The following EPB41L4A variants were observed in gnomAD, a reference collection of about 807,000 sequenced individuals.
EPB41L4A encodes the protein erythrocyte membrane protein band 4.1 like 4A, also known as band 4.1-like protein 4A.
Under a neutral mutation model 108.6 loss-of-function variants are expected in EPB41L4A, and 100 were observed. The observed-to-expected ratio is 0.92, with a 90% confidence interval of 0.78 to 1.09. EPB41L4A has a LOEUF of 1.09. Ranked by LOEUF, EPB41L4A falls within the 50% of genes least tolerant of loss-of-function variation. The pLI is 0.00. For missense variants in EPB41L4A, 1,030 were observed against 842.7 expected (o/e 1.22, Z -2.75); for synonymous variants, 319 against 289.0 (o/e 1.10, Z -1.05).
At chr5:112,242,731 T>C (rs1005612732) in intron 9 of EPB41L4A, among the ~76,000 whole-genome samples, 1 of 152,198 alleles carries the variant, frequency 6.6e-6, no homozygotes, top group African/African-American at 2.4e-5. Context: ...TACTTGAAAG[T>C]TGAAGTTACC....
chr5:112,217,049 A>G (rs868734580), intron 12 of EPB41L4A, among the ~76,000 whole-genome samples: 4 of 151,714 alleles, frequency 2.6e-5, no homozygotes, highest in South Asian at 2.1e-4. Flanking sequence ...GGTTCAAGCG[A>G]TTCTACCATC....
At chr5:112,381,492 G>A (rs530289794) in intron 1 of EPB41L4A, among the ~76,000 whole-genome samples, 2 of 152,338 alleles carry the variant, frequency 1.3e-5, no homozygotes, top group East Asian at 3.9e-4. Flanking sequence ...TCCATCCAGT[G>A]TGCAATTCTA....
intron 2 of EPB41L4A, among the ~76,000 whole-genome samples, chr5:112,300,806 T>C (rs1294349965): frequency 6.6e-6 from 1 of 152,202 alleles, no homozygotes; most frequent in Non-Finnish European, 1.5e-5. Flanking sequence ...TCACTTAATG[T>C]AATCTCACAT....
Position 112,169,219 on chromosome 5 carries a change from A to T in EPB41L4A, c.1740-114T>A, listed in dbSNP as rs1263816434. 6.7e-6 allele frequency: 5 copies of T among 745,866 alleles called. No homozygotes were observed. The African/African-American group carries it at 7.0e-5, about 10-fold the overall frequency. The allele number at this position is 745,866 out of a possible 1,614,324, so 46.2% of individuals were successfully genotyped here. ...TAACAACTTTCAGAGTTTTAAAAAG[A>T]ACTTGACTCCTAGGGTTTGAAAGCC... On this transcript the variant is annotated intron_variant, in intron 20 of 22. Coordinates refer to ENST00000261486, the MANE Select transcript of EPB41L4A (RefSeq NM_022140.5).
At chr5:112,322,276 G>A (rs1375000992) in intron 1 of EPB41L4A, among the ~76,000 whole-genome samples, 1 of 152,118 alleles carries the variant, frequency 6.6e-6, no homozygotes, top group African/African-American at 2.4e-5. Context: ...GGAAACCATA[G>A]GCTAACTTAG....
downstream of EPB41L4A, chr5:112,161,536 A>G (rs746088234): frequency 1.9e-6 from 1 of 519,246 alleles, no homozygotes; most frequent in Non-Finnish European, 3.8e-6. Context: ...GGTGTCAAAA[A>G]AGGCGTAAAT....
At chr5:112,168,324 CAG>C (rs1760373410) in intron 22 of EPB41L4A, among the ~76,000 whole-genome samples, 1 of 152,182 alleles carries the variant, frequency 6.6e-6, no homozygotes, top group Non-Finnish European at 1.5e-5. Flanking sequence ...ATGGAGAAGA[CAG>C]AAATAAAACA....
At chr5:112,389,013 C>A (rs1049954050) in intron 1 of EPB41L4A, among the ~76,000 whole-genome samples, 2 of 151,958 alleles carry the variant, frequency 1.3e-5, no homozygotes, top group African/African-American at 2.4e-5. Context: ...ATTTAATGAG[C>A]TGTGAACTTA....
At chr5:112,157,154 A>C (rs1203771715) in intron 12 of EPB41L4A, among the ~76,000 whole-genome samples, 1 of 152,096 alleles carries the variant, frequency 6.6e-6, no homozygotes, top group African/African-American at 2.4e-5. Context: ...AAAAGAAAAA[A>C]AAAAAACAAC....
intron 10 of EPB41L4A, 50 bp downstream of exon 10, chr5:112,240,668 AT>A: frequency 1.0e-6 from 1 of 994,224 alleles, no homozygotes; most frequent in Non-Finnish European, 1.5e-6. Context: ...ATAAAAATAA[AT>A]GCCATTTTCA....
At chr5:112,328,308 C>CA (rs1055494333) in intron 1 of EPB41L4A, among the ~76,000 whole-genome samples, 1 of 150,294 alleles carries the variant, frequency 6.7e-6, no homozygotes, top group Non-Finnish European at 1.5e-5. Flanking sequence ...GACTCCGACA[C>CA]AAAAAAAATA....
chr5:112,396,725 G>C (rs1761377424), intron 1 of EPB41L4A, among the ~76,000 whole-genome samples: 1 of 149,414 alleles, frequency 6.7e-6, no homozygotes, highest in Admixed American at 6.6e-5. Flanking sequence ...GGTGATGAGA[G>C]AGAGAGAGAA....
At chr5:112,190,754 A>T (rs1250153515) in intron 17 of EPB41L4A, among the ~76,000 whole-genome samples, 1 of 152,216 alleles carries the variant, frequency 6.6e-6, no homozygotes, top group Non-Finnish European at 1.5e-5. Context: ...TAATACTTGA[A>T]TTGGTTATAC....
At chr5:112,203,122 T>C (rs1356925706) in intron 15 of EPB41L4A, among the ~76,000 whole-genome samples, 1 of 151,894 alleles carries the variant, frequency 6.6e-6, no homozygotes, top group Non-Finnish European at 1.5e-5. Context: ...ATCCCAGCAT[T>C]TTGGGAGGCT....
At chr5:112,412,545 T>G (rs1214744432) in intron 1 of EPB41L4A, among the ~76,000 whole-genome samples, 1 of 152,176 alleles carries the variant, frequency 6.6e-6, no homozygotes, top group Non-Finnish European at 1.5e-5. Flanking sequence ...GGTTTTTGAG[T>G]CACAAAGTAA....
At chr5:112,419,321 G>C (rs983167714), upstream of EPB41L4A, 2 of 346,594 alleles carry the variant, frequency 5.8e-6, no homozygotes, top group Non-Finnish European at 5.3e-6. Context: ...CCTGCGGCTC[G>C]AGCTCCTCCG....
At chr5:112,367,139 G>A (rs988014101) in intron 1 of EPB41L4A, among the ~76,000 whole-genome samples, 48 of 152,244 alleles carry the variant, frequency 3.2e-4, no homozygotes, top group African/African-American at 1.1e-3. Flanking sequence ...ACTAGAGAGA[G>A]GCTCCTCTTT....
At chr5:112,259,089 G>T in intron 9 of EPB41L4A, 140 bp downstream of exon 9, 1 of 660,972 alleles carries the variant, frequency 1.5e-6, no homozygotes. Context: ...CCTTCCTTGA[G>T]AAGTTGTGCA....
intron 4 of EPB41L4A, among the ~76,000 whole-genome samples, chr5:112,274,180 T>G (rs569244650): frequency 1.4e-4 from 21 of 152,196 alleles, no homozygotes; most frequent in Non-Finnish European, 3.1e-4. Flanking sequence ...CTCCTGAGGC[T>G]GAGGCGGGAG....
Sources: gnomAD v4.1 joint callset for allele counts (sites outside exome capture counted in the v4.1 genomes callset) on GRCh38, gnomAD v4.1.1 for gene constraint, MANE v1.5 for transcripts, NCBI Gene and HGNC (gene_info 2026-07-23, HGNC 2026-07-21) for gene names.